BTBD9: variants seen among roughly 807,000 people sequenced by gnomAD.
The protein encoded by BTBD9 is BTB domain containing 9.
BTBD9 carries 49 observed loss-of-function variants against 64.3 expected under a neutral mutation model. That is an observed-to-expected ratio of 0.76 (90% CI 0.61 to 0.97). The LOEUF is 0.97. BTBD9 is among the 50% of genes least tolerant of loss of function. BTBD9 has a pLI of 0.00. For missense variants in BTBD9, 598 were observed against 762.1 expected (o/e 0.78, Z 2.53); for synonymous variants, 260 against 274.7 (o/e 0.95, Z 0.53).
At chr6:38,215,307 A>G (rs1762975670) in intron 9 of BTBD9, among the ~76,000 whole-genome samples, 2 of 152,158 alleles carry the variant, frequency 1.3e-5, no homozygotes, top group Non-Finnish European at 2.9e-5. Context: ...AAAGAATATT[A>G]TTTGTGTTCC....
intron 6 of BTBD9, among the ~76,000 whole-genome samples, chr6:38,381,290 T>C (rs924548351): frequency 4.0e-5 from 6 of 151,898 alleles, no homozygotes; most frequent in Non-Finnish European, 7.4e-5. Context: ...GAAAAAGACA[T>C]AACAAGTGTA....
At chr6:38,201,192 C>CA (rs1034861184) in intron 9 of BTBD9, among the ~76,000 whole-genome samples, 25 of 152,014 alleles carry the variant, frequency 1.6e-4, no homozygotes, top group African/African-American at 5.6e-4. Context: ...CAAAACTTCT[C>CA]AAAAAAATAC....
At chr6:38,204,686 G>A (rs2127494817) in intron 9 of BTBD9, among the ~76,000 whole-genome samples, 1 of 152,200 alleles carries the variant, frequency 6.6e-6, no homozygotes, top group East Asian at 1.9e-4. Flanking sequence ...CTTTCAGTGG[G>A]TGAATTGTAT....
chr6:38,248,533 G>T (rs1334375737), intron 9 of BTBD9, among the ~76,000 whole-genome samples: 13 of 152,184 alleles, frequency 8.5e-5, no homozygotes, highest in Admixed American at 8.5e-4. Flanking sequence ...TGCAAATGAG[G>T]ACAATACGTG....
At chr6:38,401,798 T>C (rs544725780) in intron 6 of BTBD9, among the ~76,000 whole-genome samples, 107 of 152,310 alleles carry the variant, frequency 7.0e-4, no homozygotes, top group African/African-American at 2.5e-3. Context: ...GATTCTTCAT[T>C]GTAAAATGAA....
At chr6:38,554,050 C>T (rs1178140719) in intron 6 of BTBD9, among the ~76,000 whole-genome samples, 1 of 151,988 alleles carries the variant, frequency 6.6e-6, no homozygotes, top group African/African-American at 2.4e-5. Context: ...ATAAAAGAAA[C>T]CATATGGTAT....
chr6:38,450,823 G>A (rs1769504470), intron 6 of BTBD9, among the ~76,000 whole-genome samples: 1 of 152,178 alleles, frequency 6.6e-6, no homozygotes, highest in Non-Finnish European at 1.5e-5. Flanking sequence ...GCTTGTGAAT[G>A]TGCATTCTAA....
intron 6 of BTBD9, among the ~76,000 whole-genome samples, chr6:38,519,215 T>C (rs1773179288): frequency 6.6e-6 from 1 of 152,208 alleles, no homozygotes; most frequent in African/African-American, 2.4e-5. Context: ...AGAGCCATTT[T>C]CTTAGATTTT....
intron 7 of BTBD9, among the ~76,000 whole-genome samples, chr6:38,328,608 TG>T (rs1582238011): frequency 1.4e-5 from 2 of 145,966 alleles, no homozygotes; most frequent in South Asian, 2.2e-4. Context: ...TGTGTGTGTG[TG>T]TGTTTTATGG....
intron 9 of BTBD9, among the ~76,000 whole-genome samples, chr6:38,195,126 C>G (rs1031941430): frequency 2.6e-5 from 4 of 152,118 alleles, no homozygotes; most frequent in Admixed American, 2.6e-4. Context: ...TTCCATTTCC[C>G]CTGAACTTTT....
At chr6:38,568,909 T>C (rs2127463665) in intron 6 of BTBD9, among the ~76,000 whole-genome samples, 1 of 152,274 alleles carries the variant, frequency 6.6e-6, no homozygotes, top group South Asian at 2.1e-4. Context: ...TAAAACCAAG[T>C]AACTCCTAGA....
chr6:38,624,206 G>A lies in BTBD9; in HGVS notation c.-28+15594C>T, dbSNP rs563162930. 2.0e-4 allele frequency among the ~76,000 whole-genome samples: 30 copies of A among 152,218 alleles called. 1 individual carries two copies. Among genetic ancestry groups the A allele is most frequent in the Non-Finnish European group, 2.5e-4 (17 of 68,010 alleles). ...TCTAAAAGGAGCCAATTGCGGGGAG[G>A]ACTGAAAAAAGTGCACTCTGATAGG... On this transcript the variant is annotated intron_variant, in intron 1 of 10. Transcript: ENST00000481247.
In BTBD9 at chr6:38,183,473, C is replaced by T. The variant is rs534935398; in HGVS notation, c.1642-8291G>A. ...GAAGCTGGCACCAGTGCCGAGGCCC[C>T]CTCCCTTCCTTCCACTCACTGCTCG... is the stretch of plus-strand genomic sequence containing the variant. On this transcript the variant is annotated intron_variant, in intron 10 of 10. Transcript: ENST00000481247. Among the ~76,000 whole-genome samples the T allele has an allele frequency of 1.5e-4, 23 of 152,228 alleles. No homozygotes were observed. In the South Asian group the frequency reaches 4.4e-3, roughly 29 times the overall value.
chr6:38,383,524 A>G (rs1158976282), intron 6 of BTBD9, among the ~76,000 whole-genome samples: 1 of 152,202 alleles, frequency 6.6e-6, no homozygotes, highest in Non-Finnish European at 1.5e-5. Context: ...GCAGCAAGCA[A>G]GCAGAATACA....
intron 7 of BTBD9, among the ~76,000 whole-genome samples, chr6:38,308,350 G>A (rs1461585376): frequency 6.6e-6 from 1 of 152,170 alleles, no homozygotes; most frequent in Non-Finnish European, 1.5e-5. Context: ...TCAGGGAAGA[G>A]ACTTTACATC....
intron 7 of BTBD9, among the ~76,000 whole-genome samples, chr6:38,318,895 G>A (rs1393254211): frequency 2.0e-5 from 3 of 152,248 alleles, no homozygotes; most frequent in Non-Finnish European, 4.4e-5. Context: ...CAGAGATGCT[G>A]TGTAGCAGCC....
At chr6:38,388,619 A>C (rs1766284752) in intron 6 of BTBD9, among the ~76,000 whole-genome samples, 1 of 152,202 alleles carries the variant, frequency 6.6e-6, no homozygotes, top group Non-Finnish European at 1.5e-5. Flanking sequence ...ATATCAACTG[A>C]ATTTAGTGTG....
intron 3 of BTBD9, among the ~76,000 whole-genome samples, chr6:38,593,088 A>G (rs1776880879): frequency 6.6e-6 from 1 of 152,216 alleles, no homozygotes; most frequent in South Asian, 2.1e-4. Context: ...TTCCAAACAC[A>G]TCTGCATTCA....
At chr6:38,221,403 C>T (rs915758211) in intron 9 of BTBD9, among the ~76,000 whole-genome samples, 1 of 152,174 alleles carries the variant, frequency 6.6e-6, no homozygotes, top group African/African-American at 2.4e-5. Flanking sequence ...AGCCTCCCCC[C>T]AGGGAGCCAC....
Sources: gnomAD v4.1 joint callset for allele counts (sites outside exome capture counted in the v4.1 genomes callset) on GRCh38, gnomAD v4.1.1 for gene constraint, MANE v1.5 for transcripts, NCBI Gene and HGNC (gene_info 2026-07-23, HGNC 2026-07-21) for gene names.